Variants in DMD observed in about 807,000 individuals in gnomAD.
DMD encodes mutant dystrophin.
A neutral mutation model predicts 330.1 loss-of-function variants in DMD; 63 were observed. The observed-to-expected ratio is 0.19, with a 90% CI of 0.16 to 0.24. The LOEUF (loss-of-function observed/expected upper bound fraction) is 0.24. Ranked by LOEUF, DMD falls within the 10% of genes least tolerant of loss-of-function variation. DMD has a pLI of 1.00. For missense variants in DMD, 3,344 were observed against 2,684.1 expected, an observed-to-expected ratio of 1.25 and a Z score of -5.43; for synonymous variants, 1,223 against 959.8, an observed-to-expected ratio of 1.27 and a Z score of -5.07.
chrX:32,718,193 C>T (rs1433515833), intron 7 of DMD, among the ~76,000 whole-genome samples: 1 of 110,951 alleles, frequency 9.0e-6, no homozygotes, highest in East Asian at 2.9e-4. Context: ...GCACTGTGTC[C>T]CTGCCCAAAT....
At chrX:32,253,222 A>T (rs1362063738) in intron 43 of DMD, among the ~76,000 whole-genome samples, 1 of 109,486 alleles carries the variant, frequency 9.1e-6, no homozygotes, top group Non-Finnish European at 1.9e-5. Flanking sequence ...GAAAAAATTG[A>T]GGCGGCCAAG....
chrX:33,336,606 G>C (rs1348832607), intron 1 of DMD, among the ~76,000 whole-genome samples: 1 of 111,322 alleles, frequency 9.0e-6, no homozygotes, highest in Non-Finnish European at 1.9e-5. Flanking sequence ...ATGCCTTAGA[G>C]AAAACAATCT....
intron 7 of DMD, among the ~76,000 whole-genome samples, chrX:32,784,110 G>A (rs1331293287): frequency 9.0e-6 from 1 of 110,601 alleles, no homozygotes; most frequent in African/African-American, 3.3e-5. Flanking sequence ...AGAGCAGAAG[G>A]CTAATAAAAC....
intron 7 of DMD, among the ~76,000 whole-genome samples, chrX:32,743,318 A>T (rs1026696975): frequency 5.4e-5 from 6 of 111,792 alleles, no homozygotes; most frequent in African/African-American, 1.6e-4. Context: ...AACTCTTGAA[A>T]TGTAGTCTTC....
chrX:32,364,691 T>G lies in DMD; in HGVS notation c.5045A>C (p.Glu1682Ala). Reference protein sequence around the residue: ...NLLLEYQKHMETFDQNVDHIT... With the variant: ...NLLLEYQKHMATFDQNVDHIT... The stretch of plus-strand genomic sequence containing the variant: ...GTGGTCCACATTCTGGTCAAAAGTT[T>G]CCATGTGTTTCTGGTATTCCTTAAT... Residue 1682 changes from glutamate to alanine, a missense_variant, in exon 36 of 79, where the codon GAA becomes GCA. Glu to Ala is a moderately radical substitution (Grantham distance 107, BLOSUM62 -1). Coordinates refer to ENST00000357033, the MANE Select transcript of DMD (RefSeq NM_004006.3). The G allele has an allele frequency of 2.5e-6, 3 of 1,209,600 alleles. No homozygotes were observed. Among genetic ancestry groups the G allele is most frequent in the Non-Finnish European group, 3.4e-6 (3 of 893,684 alleles).
At chrX:32,314,947 A>G (rs1165503326) in intron 41 of DMD, among the ~76,000 whole-genome samples, 2 of 111,833 alleles carry the variant, frequency 1.8e-5, no homozygotes, top group East Asian at 2.8e-4. Flanking sequence ...GTGGGAGTGT[A>G]AATTAGTTCC....
chrX:31,171,715 C>T (rs906068914), intron 73 of DMD, among the ~76,000 whole-genome samples: 2 of 111,442 alleles, frequency 1.8e-5, no homozygotes, highest in Non-Finnish European at 3.8e-5. Context: ...TAGCTGTGTT[C>T]CCTGCTGCTC....
At chrX:32,374,333 T>C (rs1603631963) in intron 34 of DMD, among the ~76,000 whole-genome samples, 1 of 111,746 alleles carries the variant, frequency 8.9e-6, no homozygotes, top group East Asian at 2.8e-4. Flanking sequence ...AATTTTTGTT[T>C]TTGTTGCATT....
intron 9 of DMD, among the ~76,000 whole-genome samples, chrX:32,668,704 T>A (rs752316223): frequency 2.7e-5 from 3 of 111,329 alleles, no homozygotes; most frequent in Admixed American, 1.9e-4. Flanking sequence ...TGTCATGGTC[T>A]CTGCTCTCTT....
At chrX:31,680,249 C>T (rs2082300921) in intron 52 of DMD, among the ~76,000 whole-genome samples, 1 of 112,038 alleles carries the variant, frequency 8.9e-6, no homozygotes, top group African/African-American at 3.2e-5. Context: ...TCACCTGTCT[C>T]ATTTTTCCAC....
At chrX:31,538,089 T>C (rs774273615) in intron 55 of DMD, among the ~76,000 whole-genome samples, 2 of 111,824 alleles carry the variant, frequency 1.8e-5, no homozygotes, top group East Asian at 5.7e-4. Flanking sequence ...AGCCCGCACA[T>C]GTGCCATTTT....
chrX:32,484,574 T>C (rs2148580380), intron 21 of DMD, among the ~76,000 whole-genome samples: 1 of 112,290 alleles, frequency 8.9e-6, no homozygotes, highest in East Asian at 2.8e-4. Flanking sequence ...TCCTTGTATA[T>C]ACAGCGAGCC....
intron 60 of DMD, among the ~76,000 whole-genome samples, chrX:31,404,041 C>T (rs1213379131): frequency 9.1e-6 from 1 of 110,345 alleles, no homozygotes; most frequent in Non-Finnish European, 1.9e-5. Context: ...CAGCCTTCTT[C>T]ACTTCTTTCC....
intron 60 of DMD, among the ~76,000 whole-genome samples, chrX:31,435,372 C>T (rs767629676): frequency 1.8e-5 from 2 of 111,509 alleles, no homozygotes; most frequent in African/African-American, 3.3e-5. Context: ...ATATAAGAAT[C>T]ATCTTCTAAT....
chrX:32,768,984 C>A (rs945835241), intron 7 of DMD, among the ~76,000 whole-genome samples: 2 of 111,916 alleles, frequency 1.8e-5, no homozygotes, highest in Non-Finnish European at 3.8e-5. Context: ...ACCTCTACCA[C>A]AAGGCTTCTA....
chrX:32,178,388 TATATATATAGTGTAAA>T (rs200669470), intron 44 of DMD, among the ~76,000 whole-genome samples: 2,741 of 109,925 alleles, frequency 0.025, 92 homozygotes, highest in African/African-American at 0.086. Flanking sequence ...CATAGATATT[TATATATATAGTGTAAA>T]ATAGTTACCA....
intron 1 of DMD, among the ~76,000 whole-genome samples, chrX:33,075,238 C>G (rs1247599187): frequency 2.7e-5 from 3 of 111,946 alleles, no homozygotes; most frequent in Non-Finnish European, 3.8e-5. Context: ...AGACTCAGTG[C>G]ACAGGAGGAC....
intron 59 of DMD, among the ~76,000 whole-genome samples, chrX:31,448,971 A>T (rs2065488853): frequency 8.9e-6 from 1 of 112,539 alleles, no homozygotes; most frequent in African/African-American, 3.2e-5. Context: ...CACATTTAAA[A>T]TTATAGTCAT....
intron 41 of DMD, among the ~76,000 whole-genome samples, chrX:32,323,372 CA>C (rs1184277266): frequency 9.1e-6 from 1 of 110,367 alleles, no homozygotes; most frequent in Non-Finnish European, 1.9e-5. Flanking sequence ...ATAAACGGTA[CA>C]AAAAAACAGT....
Sources: allele counts gnomAD v4.1 joint callset (sites outside exome capture counted in the v4.1 genomes callset), GRCh38; gene constraint gnomAD v4.1.1; transcripts MANE v1.5; gene names NCBI Gene and HGNC (gene_info 2026-07-23, HGNC 2026-07-21).